DRC11: variants seen among roughly 807,000 people sequenced by gnomAD.
DRC11 encodes dynein regulatory complex subunit 11, also known as IQ and AAA domain-containing protein 1.
At chr2:236,357,286 T>TCATATAGATC in the DRC11 span, among the ~76,000 whole-genome samples, 1 of 111,372 alleles carries the variant, frequency 9.0e-6, no homozygotes, top group African/African-American at 3.7e-5. Flanking sequence ...TATTATATAT[T>TCATATAGATC]TATATATTAT....
At chr2:236,432,534 T>G in the DRC11 span, among the ~76,000 whole-genome samples, 1 of 152,208 alleles carries the variant, frequency 6.6e-6, no homozygotes, top group Non-Finnish European at 1.5e-5. Flanking sequence ...TTTATTATGT[T>G]TCGAATTCAT....
At chr2:236,368,082 G>T in the DRC11 span, 1 of 737,054 alleles carries the variant, frequency 1.4e-6, no homozygotes, top group Non-Finnish European at 2.4e-6. Context: ...TTCTCAGTAG[G>T]AAAAGTTAAG....
the DRC11 span, among the ~76,000 whole-genome samples, chr2:236,309,964 A>G: frequency 6.6e-6 from 1 of 152,054 alleles, no homozygotes; most frequent in Admixed American, 6.5e-5. The surrounding 1 kb of genome is among the most constrained non-coding windows in gnomAD (Gnocchi z 5.7). Context: ...GCTGGTGCCA[A>G]TCCCTCCTGG....
the DRC11 span, among the ~76,000 whole-genome samples, chr2:236,420,047 TCA>T: frequency 2.0e-5 from 3 of 152,282 alleles, no homozygotes; most frequent in African/African-American, 7.2e-5. The surrounding 1 kb of genome is among the most constrained non-coding windows in gnomAD (Gnocchi z 4.8). Flanking sequence ...TCTCTGAGAC[TCA>T]GTTTCCTCAG....
chr2:236,425,133 G>C, the DRC11 span, among the ~76,000 whole-genome samples: 2 of 152,020 alleles, frequency 1.3e-5, no homozygotes, highest in Admixed American at 1.3e-4. Flanking sequence ...TGGTAGTGCA[G>C]ACATCTCTTT....
the DRC11 span, among the ~76,000 whole-genome samples, chr2:236,432,612 C>G: frequency 6.6e-6 from 1 of 151,948 alleles, no homozygotes; most frequent in African/African-American, 2.4e-5. Flanking sequence ...GGTTATTATT[C>G]TTTTTCTTGT....
chr2:236,377,549 T>C, the DRC11 span, among the ~76,000 whole-genome samples: 1 of 152,206 alleles, frequency 6.6e-6, no homozygotes, highest in African/African-American at 2.4e-5. The surrounding 1 kb of genome is among the most constrained non-coding windows in gnomAD (Gnocchi z 4.9). Context: ...AATTATATAT[T>C]CGGCTAGCAT....
the DRC11 span, among the ~76,000 whole-genome samples, chr2:236,342,058 C>T: frequency 2.0e-5 from 3 of 152,312 alleles, no homozygotes; most frequent in South Asian, 4.1e-4. The surrounding 1 kb of genome is among the most constrained non-coding windows in gnomAD (Gnocchi z 5.8). Context: ...CCCCAATCCC[C>T]GGGTGAGCTT....
the DRC11 span, among the ~76,000 whole-genome samples, chr2:236,326,031 T>C: frequency 6.6e-6 from 1 of 152,214 alleles, no homozygotes; most frequent in Admixed American, 6.5e-5. Context: ...CTGGCACCTA[T>C]GGTTGTTAAA....
the DRC11 span, among the ~76,000 whole-genome samples, chr2:236,349,173 A>G: frequency 6.6e-6 from 1 of 152,132 alleles, no homozygotes; most frequent in African/African-American, 2.4e-5. This position sits in a 1 kb window ranked among gnomAD's most constrained non-coding sequence, Gnocchi z 5.5. Flanking sequence ...TCCTTGGTGC[A>G]AGCCCCCGAT....
At chr2:236,497,607 G>A in the DRC11 span, 443 of 688,668 alleles carry the variant, frequency 6.4e-4, no homozygotes, top group African/African-American at 7.2e-3. The surrounding 1 kb of genome is among the most constrained non-coding windows in gnomAD (Gnocchi z 5.1). Flanking sequence ...TAAGAATATA[G>A]TTATATAGTT....
chr2:236,462,966 T>C, the DRC11 span, among the ~76,000 whole-genome samples: 7 of 152,206 alleles, frequency 4.6e-5, no homozygotes, highest in African/African-American at 1.7e-4. This position sits in a 1 kb window ranked among gnomAD's most constrained non-coding sequence, Gnocchi z 6.4. Flanking sequence ...TTATTTATTG[T>C]CTTTTTTACT....
the DRC11 span, among the ~76,000 whole-genome samples, chr2:236,419,768 A>G: frequency 2.6e-5 from 4 of 152,204 alleles, no homozygotes. This position sits in a 1 kb window ranked among gnomAD's most constrained non-coding sequence, Gnocchi z 4.8. Flanking sequence ...TACAGTGACA[A>G]AAGACCTTTT....
the DRC11 span, among the ~76,000 whole-genome samples, chr2:236,456,371 G>A: frequency 6.6e-6 from 1 of 152,166 alleles, no homozygotes; most frequent in Non-Finnish European, 1.5e-5. This position sits in a 1 kb window ranked among gnomAD's most constrained non-coding sequence, Gnocchi z 5.4. Flanking sequence ...TTGAACCCAG[G>A]CAGCCTGGCT....
At chr2:236,324,725 C>T in the DRC11 span, 4 of 1,603,624 alleles carry the variant, frequency 2.5e-6, no homozygotes, top group Non-Finnish European at 3.4e-6. The surrounding 1 kb of genome is among the most constrained non-coding windows in gnomAD (Gnocchi z 5.7). Context: ...CTTTTCTGTG[C>T]TGCCTCCTGT....
chr2:236,322,528 G>A, the DRC11 span, among the ~76,000 whole-genome samples: 6 of 152,188 alleles, frequency 3.9e-5, no homozygotes, highest in African/African-American at 1.4e-4. Context: ...TTACAGGTGT[G>A]AGCCACCGTG....
chr2:236,319,299 T>G, the DRC11 span, among the ~76,000 whole-genome samples: 2 of 152,112 alleles, frequency 1.3e-5, no homozygotes, highest in Non-Finnish European at 2.9e-5. The surrounding 1 kb of genome is among the most constrained non-coding windows in gnomAD (Gnocchi z 6.7). Flanking sequence ...AGTTTACTCC[T>G]CACGATAGCG....
the DRC11 span, chr2:236,331,586 G>A: frequency 6.2e-7 from 1 of 1,612,710 alleles, no homozygotes; most frequent in Non-Finnish European, 8.5e-7. This position sits in a 1 kb window ranked among gnomAD's most constrained non-coding sequence, Gnocchi z 4.8. Context: ...TCAATGATTT[G>A]CTTCCACAGA....
the DRC11 span, among the ~76,000 whole-genome samples, chr2:236,391,767 C>G: frequency 6.6e-6 from 1 of 152,136 alleles, no homozygotes; most frequent in African/African-American, 2.4e-5. The surrounding 1 kb of genome is among the most constrained non-coding windows in gnomAD (Gnocchi z 4.5). Context: ...AGATGTTACT[C>G]TCAGATGGTT....
Sources: allele counts gnomAD v4.1 joint callset (sites outside exome capture counted in the v4.1 genomes callset), GRCh38; gene constraint gnomAD v4.1.1; non-coding constraint Gnocchi (gnomAD v3.1); transcripts MANE v1.5; gene names NCBI Gene and HGNC (gene_info 2026-07-23, HGNC 2026-07-21).